CACNA2D3: variants seen among roughly 807,000 people sequenced by gnomAD.
The protein encoded by CACNA2D3 is voltage-dependent calcium channel subunit alpha-2/delta-3.
CACNA2D3 carries 60 observed loss-of-function variants against 160.6 expected under a neutral mutation model. The observed-to-expected ratio is 0.37, with a 90% CI of 0.30 to 0.46. The LOEUF (loss-of-function observed/expected upper bound fraction) is 0.46. Among genes scored for constraint, CACNA2D3 ranks in the 20% least tolerant of loss-of-function variants. The probability of loss-of-function intolerance (pLI) is 1.00; values close to 1 mark genes in which losing one functional copy is unlikely to be tolerated. For missense variants in CACNA2D3, 1,205 were observed against 1,365.0 expected (o/e 0.88, Z 1.85); for synonymous variants, 558 against 492.9 (o/e 1.13, Z -1.75).
At chr3:54,645,337 A>G (rs1169212141) in intron 11 of CACNA2D3, among the ~76,000 whole-genome samples, 1 of 152,226 alleles carries the variant, frequency 6.6e-6, no homozygotes, top group African/African-American at 2.4e-5. Flanking sequence ...GGGGATTACA[A>G]TTCAAGATGA....
intron 13 of CACNA2D3, 48 bp downstream of exon 13, chr3:54,764,399 C>G: frequency 6.2e-7 from 1 of 1,601,872 alleles, no homozygotes; most frequent in Non-Finnish European, 8.5e-7. Flanking sequence ...ACCCCCATCC[C>G]CAAATTGTGT....
At chr3:54,880,529 G>A (rs887898346) in intron 20 of CACNA2D3, among the ~76,000 whole-genome samples, 8 of 152,190 alleles carry the variant, frequency 5.3e-5, no homozygotes, top group African/African-American at 9.7e-5. Flanking sequence ...CTGGAAGGGC[G>A]AGCAGTTTGC....
chr3:54,727,088 T>G (rs914007890), intron 11 of CACNA2D3, among the ~76,000 whole-genome samples: 1 of 152,116 alleles, frequency 6.6e-6, no homozygotes, highest in Non-Finnish European at 1.5e-5. Flanking sequence ...CATCAAAAAG[T>G]GGGCAAAGGA....
intron 29 of CACNA2D3, among the ~76,000 whole-genome samples, chr3:54,978,233 C>T (rs1164286495): frequency 5.3e-5 from 8 of 152,172 alleles, no homozygotes; most frequent in African/African-American, 1.9e-4. Context: ...GTCTCAGCCT[C>T]ATTTTACCCA....
chr3:54,450,415 T>C (rs1337534717), intron 4 of CACNA2D3, among the ~76,000 whole-genome samples: 1 of 152,130 alleles, frequency 6.6e-6, no homozygotes, highest in East Asian at 1.9e-4. Flanking sequence ...AAGTCCAAAA[T>C]CTCTGCTCTA....
chr3:54,821,697 T>TTCC (rs1553873684), intron 14 of CACNA2D3, among the ~76,000 whole-genome samples: 4,092 of 83,780 alleles, frequency 0.049, 102 homozygotes, highest in South Asian at 0.057. Flanking sequence ...TCTTTCTTTC[T>TTCC]TTCCTTCCTT....
intron 5 of CACNA2D3, among the ~76,000 whole-genome samples, chr3:54,551,982 A>G (rs1276610004): frequency 2.0e-5 from 3 of 152,200 alleles, no homozygotes; most frequent in African/African-American, 7.2e-5. Context: ...AAATTAGTGA[A>G]TATTAGCTTA....
At chr3:54,192,057 T>C (rs2107337734) in intron 2 of CACNA2D3, among the ~76,000 whole-genome samples, 1 of 152,248 alleles carries the variant, frequency 6.6e-6, no homozygotes, top group Non-Finnish European at 1.5e-5. Context: ...GCAAGTTTTC[T>C]TTAGAATGTC....
intron 27 of CACNA2D3, among the ~76,000 whole-genome samples, chr3:54,921,085 C>T (rs566317567): frequency 6.6e-6 from 1 of 152,330 alleles, no homozygotes; most frequent in East Asian, 1.9e-4. Flanking sequence ...CTGCTGATTA[C>T]AGCTTGAGGG....
intron 13 of CACNA2D3, among the ~76,000 whole-genome samples, chr3:54,808,519 G>C (rs1703195165): frequency 6.6e-6 from 1 of 152,150 alleles, no homozygotes; most frequent in African/African-American, 2.4e-5. Flanking sequence ...GACTAGATTA[G>C]GTCACACGTC....
intron 4 of CACNA2D3, among the ~76,000 whole-genome samples, chr3:54,459,894 T>G (rs1700467519): frequency 6.6e-6 from 1 of 152,246 alleles, no homozygotes; most frequent in South Asian, 2.1e-4. Context: ...TGTAGGGTTT[T>G]TATGGTTTTA....
chr3:54,522,178 G>A (rs1701656303), intron 5 of CACNA2D3, among the ~76,000 whole-genome samples: 1 of 151,918 alleles, frequency 6.6e-6, no homozygotes, highest in Admixed American at 6.6e-5. Flanking sequence ...ATGAATATGA[G>A]ATATATTTTT....
chr3:55,004,730 T>C (rs1703053341), intron 31 of CACNA2D3, 33 bp from the exon 32 acceptor site: 1 of 1,474,674 alleles, frequency 6.8e-7, no homozygotes, highest in African/African-American at 1.4e-5. Context: ...GTTTTCTCAT[T>C]TAGTGAAGCT....
At chr3:54,711,009 G>A (rs971186083) in intron 11 of CACNA2D3, among the ~76,000 whole-genome samples, 1 of 152,188 alleles carries the variant, frequency 6.6e-6, no homozygotes, top group Non-Finnish European at 1.5e-5. Context: ...TATTTTGATA[G>A]AAGGTAATTG....
At position 54,943,786 on chromosome 3, in the gene CACNA2D3, T is replaced by C. The variant is rs371076348; in HGVS notation, c.2450-24664T>C. Among the ~76,000 whole-genome samples the C allele has an allele frequency of 1.2e-4, 18 of 152,330 alleles. No homozygotes were observed. The South Asian group carries it at 3.5e-3, about 30-fold the overall frequency. The stretch of plus-strand genomic sequence containing the variant: ...CTATTTCAGTCCGGACTAATAGCTC[T>C]CTAGGTTTGCTGGGCATGCAGGCAC... On this transcript the variant is annotated intron_variant, in intron 27 of 37. Coordinates refer to ENST00000474759, the MANE Select transcript of CACNA2D3 (RefSeq NM_018398.3).
chr3:54,273,263 C>T (rs1702658447), intron 2 of CACNA2D3: 1 of 152,162 alleles, frequency 6.6e-6, no homozygotes, highest in South Asian at 2.1e-4. Flanking sequence ...GGTTTGGATT[C>T]GTCTCGTTAC....
chr3:54,411,705 T>A (rs1318340203), intron 4 of CACNA2D3, among the ~76,000 whole-genome samples: 1 of 152,234 alleles, frequency 6.6e-6, no homozygotes, highest in East Asian at 1.9e-4. Flanking sequence ...CATGGTGTTA[T>A]GGAACTAAAC....
In CACNA2D3 at chr3:54,189,135, C is replaced by T. The variant is rs761164979; in HGVS notation, c.204+65541C>T. Among the ~76,000 whole-genome samples the T allele has an allele frequency of 5.3e-5, 8 of 152,216 alleles. No homozygotes were observed. The East Asian group carries it at 7.7e-4, about 15-fold the overall frequency. On this transcript the variant is annotated intron_variant, in intron 2 of 37. Coordinates refer to ENST00000474759, the MANE Select transcript of CACNA2D3 (RefSeq NM_018398.3). ...ATTTATTGAAGCAATTCTTGGACTT[C>T]GTGGTTATAAATCCCAATCTTTTCA... is the stretch of plus-strand genomic sequence containing the variant.
rs533034845 is a variant in CACNA2D3, at chr3:54,776,427, A to G, written c.1380+12076A>G. ...CTCCTCGGAAGGCTGAGGTGGGAGG[A>G]TCACTTGAGCCCTGGAGATCAAGGC... On this transcript the variant is annotated intron_variant, in intron 13 of 37. Transcript: ENST00000474759. Among the ~76,000 whole-genome samples the G allele has an allele frequency of 7.9e-5, 12 of 152,262 alleles. No individual in the cohort carries two copies. The South Asian group carries it at 1.2e-3, about 16-fold the overall frequency.
Sources: allele counts gnomAD v4.1 joint callset (sites outside exome capture counted in the v4.1 genomes callset), GRCh38; gene constraint gnomAD v4.1.1; transcripts MANE v1.5; gene names NCBI Gene and HGNC (gene_info 2026-07-23, HGNC 2026-07-21).